The following ZFAT variants were observed in gnomAD, a reference collection of about 807,000 sequenced individuals.
ZFAT encodes zinc finger protein ZFAT.
In ZFAT, 64 loss-of-function variants were observed where a neutral mutation model predicts 117.7. The ratio of observed to expected loss-of-function variants is 0.54; its 90% CI spans 0.44 to 0.67. The LOEUF (loss-of-function observed/expected upper bound fraction) is 0.67. Ranked by LOEUF, ZFAT falls within the 30% of genes least tolerant of loss-of-function variation. ZFAT has a pLI of 0.00. For missense variants in ZFAT, 1,433 were observed against 1,584.5 expected (o/e 0.90, Z 1.62); for synonymous variants, 679 against 615.0 (o/e 1.10, Z -1.54).
intron 15 of ZFAT, among the ~76,000 whole-genome samples, chr8:134,488,741 G>T (rs938019856): frequency 6.6e-6 from 1 of 151,908 alleles, no homozygotes; most frequent in Non-Finnish European, 1.5e-5. Flanking sequence ...GGTTGTCAGG[G>T]TCGGGGGAAG....
the ZFAT span, among the ~76,000 whole-genome samples, chr8:134,823,179 A>T: frequency 1.3e-5 from 2 of 152,210 alleles, no homozygotes; most frequent in Non-Finnish European, 2.9e-5. Context: ...ATCCAACGGG[A>T]ACAGCCTACA....
rs528866566 is a variant in ZFAT, at chr8:134,620,727, G to A, written c.449-10072C>T. ...TCCAAGCCCCCTAGCTGATGCTGAC[G>A]GGGAATTTTGGATAATTTACTAACA... On this transcript the variant is annotated intron_variant, in intron 3 of 15. Coordinates refer to ENST00000377838, the MANE Select transcript of ZFAT (RefSeq NM_020863.4). 3.0e-4 allele frequency among the ~76,000 whole-genome samples: 46 copies of A among 152,316 alleles called. 1 individual carries two copies. In the East Asian group the frequency reaches 6.2e-3, roughly 20 times the overall value.
rs1464111199 is a variant in ZFAT at position 134,588,393 on chromosome 8, C to T, written c.2566G>A (p.Val856Ile). The change falls in exon 9 of 16, where the codon GTC becomes ATC. Residue 856 changes from valine to isoleucine, a missense_variant and splice_region_variant. Coordinates refer to ENST00000377838, the MANE Select transcript of ZFAT (RefSeq NM_020863.4). Reference sequence around the variant, plus strand: ...ACCTCAGAAATGGTGCTCATGGAGACCTCTAGAAGAAAAGCAGGATGTCAA... The same window carrying T: ...ACCTCAGAAATGGTGCTCATGGAGATCTCTAGAAGAAAAGCAGGATGTCAA... ...KSHIKTNHPE[V>I]SMSTISEVLG... 1.9e-6 allele frequency: 3 copies of T among 1,575,650 alleles called. No individual in the cohort carries two copies. Among genetic ancestry groups the T allele is most frequent in the South Asian group, 2.4e-5 (2 of 84,746 alleles).
At chr8:134,782,776 T>C in the ZFAT span, among the ~76,000 whole-genome samples, 34 of 150,776 alleles carry the variant, frequency 2.3e-4, no homozygotes, top group Non-Finnish European at 4.0e-4. Context: ...ATGAGTCCAT[T>C]AAACCTCTTT....
chr8:134,492,301 G>C (rs1406352614), intron 15 of ZFAT, among the ~76,000 whole-genome samples: 2 of 152,068 alleles, frequency 1.3e-5, no homozygotes, highest in Admixed American at 6.6e-5. Context: ...TTGTTTCTCA[G>C]ATGCTTCCAT....
Position 134,628,997 on chromosome 8 carries a change from C to G in ZFAT, c.448+8464G>C, listed in dbSNP as rs1456641762. Among the ~76,000 whole-genome samples, 4 of 152,270 alleles carry G rather than the reference C, an allele frequency of 2.6e-5. No homozygotes were observed. The East Asian group carries it at 7.7e-4, about 29-fold the overall frequency. ...AATATCTGCAAACCACTGGTGTACA[C>G]AGAGCATGAATTGGGGTAAATAGGC... On this transcript the variant is annotated intron_variant, in intron 3 of 15. Transcript: ENST00000377838.
At chr8:134,769,369 C>A in the ZFAT span, among the ~76,000 whole-genome samples, 1 of 152,220 alleles carries the variant, frequency 6.6e-6, no homozygotes, top group Non-Finnish European at 1.5e-5. Context: ...AGGCCCCATG[C>A]AAGTCTGAAA....
In ZFAT at chr8:134,637,576, C is replaced by A. The variant is rs564774354; in HGVS notation, c.333G>T (p.Leu111=). 1 of 1,614,258 alleles carries A rather than the reference C, an allele frequency of 6.2e-7. No individual in the cohort carries two copies. The highest frequency in any genetic ancestry group is 1.7e-5 in the Admixed American group (1 of 60,032). Residue 111 remains leucine (L), a synonymous_variant, in exon 3 of 16, where the codon CTG becomes CTT. Transcript: ENST00000377838. Reference sequence around the variant, plus strand: ...TGCTACACTCCAAGCTGCTTGGAGGCAGGCTGTTCCCTTCCTCCGGAGCCA... The same window carrying A: ...TGCTACACTCCAAGCTGCTTGGAGGAAGGCTGTTCCCTTCCTCCGGAGCCA... ...SPLAPEEGNS[L]PPSSLECSKC...
rs1563659933 is a variant in ZFAT, at chr8:134,602,217, A to G, written c.1502T>C (p.Leu501Pro). 1 of 1,613,504 alleles carries G rather than the reference A, an allele frequency of 6.2e-7. No homozygotes were observed. The highest frequency in any genetic ancestry group is 1.3e-5 in the African/African-American group (1 of 74,964). ...TTGCTGGATGTCCCCACCAGGTTCC[A>G]GGAGGCAGAAGCTCTGGTTGATGGA... ...TSSINQSFCL[L>P]EPGGDIQQEA... The change falls in exon 6 of 16, where the codon CTG becomes CCG. Residue 501 changes from leucine to proline, a missense_variant. Leu to Pro is a moderately conservative substitution (Grantham distance 98, BLOSUM62 -3). Coordinates refer to ENST00000377838, the MANE Select transcript of ZFAT (RefSeq NM_020863.4).
chr8:134,731,575 A>G, the ZFAT span, among the ~76,000 whole-genome samples: 6 of 152,240 alleles, frequency 3.9e-5, no homozygotes, highest in South Asian at 8.3e-4. Flanking sequence ...AAAAAACCTT[A>G]ATTTACAAAA....
At chr8:134,556,383 G>C (rs980989046) in intron 11 of ZFAT, among the ~76,000 whole-genome samples, 1 of 152,002 alleles carries the variant, frequency 6.6e-6, no homozygotes, top group East Asian at 1.9e-4. Flanking sequence ...GTCCTAGAAG[G>C]AAAGGAGAGA....
chr8:134,558,722 C>A (rs1301946116), intron 11 of ZFAT, among the ~76,000 whole-genome samples: 1 of 152,136 alleles, frequency 6.6e-6, no homozygotes, highest in Non-Finnish European at 1.5e-5. Flanking sequence ...GGGGAGGAAA[C>A]AAGAGCCAAC....
chr8:134,820,459 C>T, the ZFAT span, among the ~76,000 whole-genome samples: 1 of 152,234 alleles, frequency 6.6e-6, no homozygotes, highest in Admixed American at 6.5e-5. Flanking sequence ...AGTATCATCG[C>T]TTGAACTATA....
chr8:134,818,942 A>G, the ZFAT span, among the ~76,000 whole-genome samples: 2 of 152,242 alleles, frequency 1.3e-5, no homozygotes, highest in African/African-American at 4.8e-5. Context: ...ATCAAGGGAC[A>G]TCAGAAAACT....
chr8:134,580,964 C>G (rs1051619718), intron 10 of ZFAT, among the ~76,000 whole-genome samples: 3 of 151,846 alleles, frequency 2.0e-5, no homozygotes, highest in African/African-American at 7.3e-5. Context: ...AATAAATGAA[C>G]AAAGTTATTT....
At chr8:134,686,356 G>A (rs1212369405) in intron 1 of ZFAT, among the ~76,000 whole-genome samples, 1 of 152,156 alleles carries the variant, frequency 6.6e-6, no homozygotes, top group Non-Finnish European at 1.5e-5. Flanking sequence ...TGGGTTGGGG[G>A]CTGGGACCAG....
Position 134,608,818 on chromosome 8 carries a change from C to G in ZFAT, c.696G>C (p.Glu232Asp). The G allele has an allele frequency of 6.2e-7, 1 of 1,610,070 alleles. No homozygotes were observed. Among genetic ancestry groups the G allele is most frequent in the East Asian group, 2.2e-5 (1 of 44,584 alleles). Residue 232 changes from glutamate to aspartate, a missense_variant, in exon 5 of 16, where the codon GAG becomes GAC. By Grantham distance (45) the Glu-to-Asp change is conservative. Transcript: ENST00000377838. ...GAGGCACCAGGTCTGCTGAAGTGGTCTCAGAATTTGTAGCTCCTGTTTCAG... is the reference window on the plus strand; with the variant it reads ...GAGGCACCAGGTCTGCTGAAGTGGTGTCAGAATTTGTAGCTCCTGTTTCAG... ...GPPETGATNS[E>D]TTSADLVPRR...
chr8:134,607,355 T>C (rs1289740441), intron 5 of ZFAT, among the ~76,000 whole-genome samples: 1 of 152,252 alleles, frequency 6.6e-6, no homozygotes, highest in Non-Finnish European at 1.5e-5. Flanking sequence ...TAATGAAGCA[T>C]ACCACATGAT....
chr8:134,733,540 A>G, the ZFAT span, among the ~76,000 whole-genome samples: 1 of 152,224 alleles, frequency 6.6e-6, no homozygotes, highest in Non-Finnish European at 1.5e-5. Flanking sequence ...TCCTTATCAT[A>G]TAAGATTCAC....
Sources: allele counts gnomAD v4.1 joint callset (sites outside exome capture counted in the v4.1 genomes callset), GRCh38; gene constraint gnomAD v4.1.1; transcripts MANE v1.5; gene names NCBI Gene and HGNC (gene_info 2026-07-23, HGNC 2026-07-21).